The following KAT6A variants were observed in gnomAD, a reference collection of about 807,000 sequenced individuals.
The protein encoded by KAT6A is histone acetyltransferase KAT6A.
Under a neutral mutation model 198.4 loss-of-function variants are expected in KAT6A, and 9 were observed. That is an observed-to-expected ratio of 0.05 (90% CI 0.03 to 0.08). The LOEUF (loss-of-function observed/expected upper bound fraction) is 0.08. KAT6A is among the 10% of genes least tolerant of loss of function. The probability of loss-of-function intolerance (pLI) is 1.00; values close to 1 mark genes in which losing one functional copy is unlikely to be tolerated. For synonymous variants in KAT6A, 890 were observed against 883.0 expected, an observed-to-expected ratio of 1.01 and a Z score of -0.14; for missense variants, 2,077 against 2,509.9, an observed-to-expected ratio of 0.83 and a Z score of 3.69.
intron 2 of KAT6A, among the ~76,000 whole-genome samples, chr8:42,021,925 A>AAAAAC (rs59754198): frequency 2.2e-4 from 34 of 152,158 alleles, no homozygotes; most frequent in East Asian, 7.7e-4. Context: ...ACTCTGTCTC[A>AAAAAC]AAAACAAAAC....
chr8:42,029,131 C>T (rs1436161305), intron 2 of KAT6A, among the ~76,000 whole-genome samples: 1 of 152,126 alleles, frequency 6.6e-6, no homozygotes, highest in African/African-American at 2.4e-5. Context: ...CCATTCTCTC[C>T]TGGCCTATAA....
intron 10 of KAT6A, 121 bp from the exon 11 acceptor site, chr8:41,948,033 C>T (rs1486982442): frequency 1.4e-6 from 1 of 738,352 alleles, no homozygotes; most frequent in Non-Finnish European, 2.0e-6. Context: ...TGTCCATGAC[C>T]AGAACACTTT....
intron 2 of KAT6A, among the ~76,000 whole-genome samples, chr8:42,016,314 T>C (rs1446781387): frequency 6.6e-6 from 1 of 152,242 alleles, no homozygotes. Flanking sequence ...CACAACTCTC[T>C]TCTTACTGTT....
At position 41,942,814 on chromosome 8, in the gene KAT6A, C is replaced by T; in HGVS notation, c.2415G>A (p.Gln805=). The T allele has an allele frequency of 6.2e-7, 1 of 1,614,126 alleles. No individual in the cohort carries two copies. The highest frequency in any genetic ancestry group is 8.5e-7 in the Non-Finnish European group (1 of 1,180,010). The change falls in exon 14 of 17, where the codon CAG becomes CAA. Residue 805 remains glutamine (Q), a synonymous_variant. Transcript: ENST00000265713. ...EEGENEEPQC[Q]ERELEISVGK... ...TTACACTGATCTCTAATTCTCTTTCCTGGCACTGTGGCTCTTCGTTTTCTC... is the reference window on the plus strand; with the variant it reads ...TTACACTGATCTCTAATTCTCTTTCTTGGCACTGTGGCTCTTCGTTTTCTC...
rs377028242 is a variant in KAT6A, at chr8:41,937,386, C to T, written c.3222G>A (p.Glu1074=). The change falls in exon 16 of 17, where the codon GAG becomes GAA. Residue 1074 remains glutamate, a synonymous_variant. Coordinates refer to ENST00000265713, the MANE Select transcript of KAT6A (RefSeq NM_006766.5). ...TFEIDEEEEE[E]DENELFPREY... Reference sequence around the variant, plus strand: ...CTCTAGGGAAAAGTTCATTTTCATCCTCTTCCTCCTCTTCTTCATCGATCT... The same window carrying T: ...CTCTAGGGAAAAGTTCATTTTCATCTTCTTCCTCCTCTTCTTCATCGATCT... 35 of 1,613,952 alleles carry T rather than the reference C, an allele frequency of 2.2e-5. No individual in the cohort carries two copies. The highest frequency in any genetic ancestry group is 3.0e-5 in the Non-Finnish European group (35 of 1,179,976).
At chr8:42,013,390 A>C (rs1323683834) in intron 2 of KAT6A, among the ~76,000 whole-genome samples, 1 of 151,730 alleles carries the variant, frequency 6.6e-6, no homozygotes, top group Non-Finnish European at 1.5e-5. Context: ...CATGCCACCA[A>C]ACCCAGCTAA....
At chr8:41,966,212 C>A (rs1017854528) in intron 8 of KAT6A, among the ~76,000 whole-genome samples, 5 of 152,016 alleles carry the variant, frequency 3.3e-5, no homozygotes, top group African/African-American at 1.2e-4. Flanking sequence ...TCTTGGAATA[C>A]ACAGATAATA....
chr8:41,930,464 GT>G lies in KAT6A; in HGVS notation c.*1740del. On this transcript the variant is annotated 3_prime_UTR_variant, in exon 17 of 17. Transcript: ENST00000265713. ...AGCACGCTTGAGAAAGTCAATTAAAGTGTATTAAAAAAACCAACAAACCTGT... is the reference window on the plus strand; with the variant it reads ...AGCACGCTTGAGAAAGTCAATTAAAGGTATTAAAAAAACCAACAAACCTGT... The G allele has an allele frequency of 4.7e-6, 1 of 215,040 alleles. No individual in the cohort carries two copies. The highest frequency in any genetic ancestry group is 9.4e-6 in the Non-Finnish European group (1 of 106,786). 13.3% of individuals were successfully genotyped at this position (215,040 alleles called of 1,614,324 possible).
chr8:41,942,817 G>C lies in KAT6A; in HGVS notation c.2412C>G (p.Cys804Trp). The change falls in exon 14 of 17, where the codon TGC becomes TGG. Residue 804 changes from cysteine (C) to tryptophan (W), a missense_variant. Cys to Trp is a radical substitution (Grantham distance 215). Coordinates refer to ENST00000265713, the MANE Select transcript of KAT6A (RefSeq NM_006766.5). ...CACTGATCTCTAATTCTCTTTCCTG[G>C]CACTGTGGCTCTTCGTTTTCTCCTT... ...AEEGENEEPQCQERELEISVG... is the reference protein window; with the variant it reads ...AEEGENEEPQWQERELEISVG... 1 of 1,613,910 alleles carries C rather than the reference G, an allele frequency of 6.2e-7. No homozygotes were observed. The highest frequency in any genetic ancestry group is 8.5e-7 in the Non-Finnish European group (1 of 1,179,942).
At chr8:42,019,441 A>G (rs1408898420) in intron 2 of KAT6A, among the ~76,000 whole-genome samples, 1 of 152,202 alleles carries the variant, frequency 6.6e-6, no homozygotes, top group Non-Finnish European at 1.5e-5. Flanking sequence ...GTCAGAAGAG[A>G]AGAAAAGTAA....
chr8:42,035,882 CCTG>C (rs1178033749), intron 2 of KAT6A, among the ~76,000 whole-genome samples: 6 of 151,986 alleles, frequency 3.9e-5, no homozygotes, highest in Non-Finnish European at 8.8e-5. Flanking sequence ...GAGTCTTCTG[CCTG>C]CTAAGGACTA....
Position 42,000,563 on chromosome 8 carries a change from GA to G in KAT6A, c.601-13001del, listed in dbSNP as rs556405698. ...AAGACTCCATCTCAAAAAAACAGAA[GA>G]AAAAAAAAAGAAAAAAAAGTGATGT... On this transcript the variant is annotated intron_variant, in intron 2 of 16. Transcript: ENST00000265713. Among the ~76,000 whole-genome samples, 412 of 138,048 alleles carry G rather than the reference GA, an allele frequency of 3.0e-3. 1 individual carries two copies. Among genetic ancestry groups the G allele is most frequent in the African/African-American group, 8.9e-3 (335 of 37,488 alleles). The allele number at this position is 138,048 out of a possible 152,430, so 90.6% of individuals were successfully genotyped here.
chr8:41,948,589 A>G (rs984573717), intron 10 of KAT6A, among the ~76,000 whole-genome samples: 13 of 152,164 alleles, frequency 8.5e-5, no homozygotes, highest in Admixed American at 2.0e-4. Context: ...ATTAGCTCCC[A>G]AGACACTGTC....
chr8:41,953,528 C>T (rs987874784), intron 9 of KAT6A, among the ~76,000 whole-genome samples: 3 of 152,222 alleles, frequency 2.0e-5, no homozygotes, highest in African/African-American at 4.8e-5. Context: ...GGCGAGAGTG[C>T]AATGGCGCGA....
intron 2 of KAT6A, among the ~76,000 whole-genome samples, chr8:42,011,490 C>G (rs966253280): frequency 1.3e-5 from 2 of 152,124 alleles, no homozygotes; most frequent in Non-Finnish European, 2.9e-5. Flanking sequence ...GTAATCCCAG[C>G]ACTTTGGGAG....
chr8:42,015,648 GT>G (rs1160696136), intron 2 of KAT6A, among the ~76,000 whole-genome samples: 1 of 152,190 alleles, frequency 6.6e-6, no homozygotes, highest in East Asian at 1.9e-4. Context: ...AGAGAAACAG[GT>G]AATAAAGGGT....
intron 9 of KAT6A, among the ~76,000 whole-genome samples, chr8:41,953,051 C>T (rs1267623314): frequency 2.0e-5 from 3 of 152,090 alleles, no homozygotes. Context: ...TCCTATTATA[C>T]TTTTTTTGGT....
intron 8 of KAT6A, chr8:41,957,483 A>G (rs1564022289): frequency 3.8e-5 from 12 of 318,032 alleles, no homozygotes; most frequent in South Asian, 3.1e-4. Flanking sequence ...TAACATTTCA[A>G]CCAAAGTACG....
intron 2 of KAT6A, among the ~76,000 whole-genome samples, chr8:42,016,384 G>C (rs191145799): frequency 2.6e-4 from 39 of 152,284 alleles, no homozygotes; most frequent in African/African-American, 9.1e-4. Context: ...ATTTCAATTA[G>C]TTAAACCTTT....
Sources: gnomAD v4.1 joint callset for allele counts (sites outside exome capture counted in the v4.1 genomes callset) on GRCh38, gnomAD v4.1.1 for gene constraint, MANE v1.5 for transcripts, NCBI Gene and HGNC (gene_info 2026-07-23, HGNC 2026-07-21) for gene names.